PRKN: variants seen among roughly 807,000 people sequenced by gnomAD.
PRKN encodes E3 ubiquitin-protein ligase parkin.
A neutral mutation model predicts 59.5 loss-of-function variants in PRKN; 56 were observed. That is an observed-to-expected ratio of 0.94 (90% confidence interval 0.76 to 1.18). PRKN has a LOEUF of 1.18. Among genes scored for constraint, PRKN ranks in the 50% most tolerant of loss-of-function variants. The probability of loss-of-function intolerance (pLI) is 0.00; values close to 1 mark genes in which losing one functional copy is unlikely to be tolerated. For synonymous variants in PRKN, 250 were observed against 222.1 expected (o/e 1.13, Z -1.12); for missense variants, 657 against 596.4 (o/e 1.10, Z -1.06).
At chr6:162,266,298 T>TTGTGTGTG (rs60841593) in intron 2 of PRKN, among the ~76,000 whole-genome samples, 638 of 146,182 alleles carry the variant, frequency 4.4e-3, no homozygotes, top group Middle Eastern at 7.1e-3. Flanking sequence ...TACATATATA[T>TTGTGTGTG]TGTGTGTGTG....
chr6:162,029,200 C>G (rs1783549332), intron 5 of PRKN, among the ~76,000 whole-genome samples: 1 of 152,120 alleles, frequency 6.6e-6, no homozygotes, highest in Non-Finnish European at 1.5e-5. Flanking sequence ...CACCCCCACA[C>G]ATGATACAGA....
chr6:162,259,797 T>G (rs1296398019), intron 3 of PRKN, among the ~76,000 whole-genome samples: 1 of 152,156 alleles, frequency 6.6e-6, no homozygotes, highest in African/African-American at 2.4e-5. Context: ...ACCACTCTTC[T>G]AAGAGATTTT....
intron 5 of PRKN, among the ~76,000 whole-genome samples, chr6:162,027,925 G>A (rs1783496733): frequency 1.3e-5 from 2 of 151,716 alleles, no homozygotes; most frequent in African/African-American, 2.4e-5. Context: ...TTAACTTGGA[G>A]TGTGGTTTAT....
chr6:162,009,329 A>G (rs1358388046), intron 5 of PRKN, among the ~76,000 whole-genome samples: 8 of 151,350 alleles, frequency 5.3e-5, no homozygotes, highest in Non-Finnish European at 8.8e-5. Context: ...AAATTTTGAC[A>G]TAAAAATTGG....
intron 1 of PRKN, among the ~76,000 whole-genome samples, chr6:162,496,688 T>C (rs1442917044): frequency 1.3e-5 from 2 of 152,220 alleles, no homozygotes; most frequent in African/African-American, 4.8e-5. Flanking sequence ...GCCTTGGTTT[T>C]TCTCCTTCTA....
chr6:161,673,169 T>C (rs1784970137), intron 7 of PRKN, among the ~76,000 whole-genome samples: 1 of 152,048 alleles, frequency 6.6e-6, no homozygotes, highest in Non-Finnish European at 1.5e-5. Flanking sequence ...GGAGATGGTC[T>C]CCACCCTCAC....
rs1363271858 is a variant in PRKN, at chr6:161,560,276, T to C, written c.933+9079A>G. On this transcript the variant is annotated intron_variant, in intron 8 of 11. Coordinates refer to ENST00000366898, the MANE Select transcript of PRKN (RefSeq NM_004562.3). This position sits in a 1 kb window ranked among gnomAD's most constrained non-coding sequence, Gnocchi z 4.9. The stretch of plus-strand genomic sequence containing the variant: ...CTTAACTGAAACTGATCCATCTCCC[T>C]TGCAACCTTTTCAAGTGAAGGCTGC... Among the ~76,000 whole-genome samples the C allele has an allele frequency of 1.4e-4, 21 of 152,186 alleles. 1 individual carries two copies. The highest frequency in any genetic ancestry group is 1.4e-3 in the Admixed American group (21 of 15,278).
chr6:161,479,464 T>G (rs9364598), intron 9 of PRKN, among the ~76,000 whole-genome samples: 115,324 of 152,004 alleles, frequency 0.76, 43,919 homozygotes, highest in Middle Eastern at 0.85. Flanking sequence ...CATTTATATT[T>G]TATAATCAGA....
chr6:162,178,820 G>C (rs909111807), intron 4 of PRKN, among the ~76,000 whole-genome samples: 6 of 152,076 alleles, frequency 3.9e-5, no homozygotes, highest in Non-Finnish European at 7.4e-5. Context: ...TTCTATCTAG[G>C]TGTCTGATTT....
At chr6:162,633,034 T>C (rs1360531124) in intron 1 of PRKN, among the ~76,000 whole-genome samples, 1 of 152,192 alleles carries the variant, frequency 6.6e-6, no homozygotes, top group African/African-American at 2.4e-5. Context: ...ATTTATACTT[T>C]ATGCATGTAT....
rs1783440159 is a variant in PRKN at position 162,026,496 on chromosome 6, C to T, written c.618+27595G>A. On this transcript the variant is annotated intron_variant, in intron 5 of 11. Coordinates refer to ENST00000366898, the MANE Select transcript of PRKN (RefSeq NM_004562.3). ...CCTGTAAGCTCTTCATGCATTAAGA[C>T]ACATTCACTTTCAGCCACCTCAACT... Among the ~76,000 whole-genome samples, 3 of 152,166 alleles carry T rather than the reference C, an allele frequency of 2.0e-5. No individual in the cohort carries two copies. In the South Asian group the frequency reaches 6.2e-4, roughly 32 times the overall value.
At chr6:162,417,718 A>G (rs1788705200) in intron 2 of PRKN, among the ~76,000 whole-genome samples, 1 of 152,212 alleles carries the variant, frequency 6.6e-6, no homozygotes, top group Non-Finnish European at 1.5e-5. Context: ...ATGTCCGTTA[A>G]CGTTTATGGC....
chr6:162,690,454 G>C (rs973069092), intron 1 of PRKN, among the ~76,000 whole-genome samples: 2 of 152,176 alleles, frequency 1.3e-5, no homozygotes, highest in Non-Finnish European at 2.9e-5. Flanking sequence ...CCACATGAAT[G>C]CATCAAGGGA....
chr6:162,008,805 A>G (rs1037302556), intron 5 of PRKN, among the ~76,000 whole-genome samples: 3 of 152,172 alleles, frequency 2.0e-5, no homozygotes, highest in Admixed American at 6.5e-5. Flanking sequence ...TAGCCTTACA[A>G]TATTTGAAGG....
intron 1 of PRKN, among the ~76,000 whole-genome samples, chr6:162,683,014 T>C (rs1458550673): frequency 2.6e-5 from 4 of 152,188 alleles, no homozygotes; most frequent in Non-Finnish European, 4.4e-5. Context: ...AGTAGTTTTA[T>C]TGGAGCAACG....
At chr6:161,738,858 C>T (rs549076995) in intron 7 of PRKN, among the ~76,000 whole-genome samples, 42 of 149,610 alleles carry the variant, frequency 2.8e-4, no homozygotes, top group Admixed American at 1.4e-3. Context: ...GTTCATCCTG[C>T]TGAGGCCTAC....
chr6:161,752,807 T>C (rs1476889496), intron 7 of PRKN, among the ~76,000 whole-genome samples: 1 of 152,168 alleles, frequency 6.6e-6, no homozygotes. Flanking sequence ...AGTAAACAGA[T>C]ACTAGAGGCT....
chr6:162,280,049 C>A (rs913141364), intron 2 of PRKN, among the ~76,000 whole-genome samples: 1 of 151,902 alleles, frequency 6.6e-6, no homozygotes, highest in African/African-American at 2.4e-5. Flanking sequence ...TCCGTTTATT[C>A]TGAGCCTGTG....
At chr6:162,329,189 TAGAAC>T (rs1332814783) in intron 2 of PRKN, among the ~76,000 whole-genome samples, 2 of 152,212 alleles carry the variant, frequency 1.3e-5, no homozygotes, top group East Asian at 3.9e-4. Context: ...TTCTTAAGGG[TAGAAC>T]AGCTCCAGCC....
Sources: allele counts gnomAD v4.1 joint callset (sites outside exome capture counted in the v4.1 genomes callset), GRCh38; gene constraint gnomAD v4.1.1; non-coding constraint Gnocchi (gnomAD v3.1); transcripts MANE v1.5; gene names NCBI Gene and HGNC (gene_info 2026-07-23, HGNC 2026-07-21).